PTCHD4: variants seen among roughly 807,000 people sequenced by gnomAD.
PTCHD4 encodes the protein patched domain-containing protein 4.
PTCHD4 carries 33 observed loss-of-function variants against 58.1 expected under a neutral mutation model. That is an observed-to-expected ratio of 0.57 (90% CI 0.43 to 0.76). The LOEUF is 0.76. PTCHD4 is among the 30% of genes least tolerant of loss of function. The pLI is 0.00. For missense variants in PTCHD4, 1,058 were observed against 1,027.1 expected (o/e 1.03, Z -0.41); for synonymous variants, 478 against 409.6 (o/e 1.17, Z -2.02).
At chr6:48,094,427 A>C (rs1051817882) in intron 1 of PTCHD4, among the ~76,000 whole-genome samples, 19 of 152,320 alleles carry the variant, frequency 1.2e-4, no homozygotes, top group Admixed American at 4.6e-4. Flanking sequence ...ATACAGGGTT[A>C]CATTACAGAT....
At chr6:48,031,260 CT>C (rs914319947) in intron 3 of PTCHD4, among the ~76,000 whole-genome samples, 1 of 152,030 alleles carries the variant, frequency 6.6e-6, no homozygotes, top group Non-Finnish European at 1.5e-5. Context: ...AGCAAGAATC[CT>C]ATCATATCAG....
chr6:47,969,744 G>A (rs1279575541), intron 4 of PTCHD4, among the ~76,000 whole-genome samples: 2 of 152,026 alleles, frequency 1.3e-5, no homozygotes, highest in Non-Finnish European at 2.9e-5. Context: ...AAACTTCAGG[G>A]CATTTAAAAT....
intron 4 of PTCHD4, among the ~76,000 whole-genome samples, chr6:47,930,786 T>C (rs906959605): frequency 6.6e-6 from 1 of 152,114 alleles, no homozygotes; most frequent in African/African-American, 2.4e-5. Flanking sequence ...TCATGAAGTG[T>C]ATTTTATTTA....
intron 1 of PTCHD4, among the ~76,000 whole-genome samples, chr6:48,071,963 G>T (rs1764982301): frequency 6.6e-6 from 1 of 152,198 alleles, no homozygotes; most frequent in African/African-American, 2.4e-5. Flanking sequence ...GAAAGGTAAA[G>T]TGCCATTTTC....
chr6:48,086,311 T>G (rs1765262507), intron 1 of PTCHD4, among the ~76,000 whole-genome samples: 2 of 152,194 alleles, frequency 1.3e-5, no homozygotes, highest in Non-Finnish European at 2.9e-5. Context: ...TTTCTTATAT[T>G]CTTACCTTGA....
At chr6:47,897,515 T>A (rs1764561409) in intron 4 of PTCHD4, among the ~76,000 whole-genome samples, 1 of 152,164 alleles carries the variant, frequency 6.6e-6, no homozygotes, top group Non-Finnish European at 1.5e-5. Context: ...ACCACAGTCC[T>A]CCATGTACTT....
chr6:47,979,091 T>C (rs973270178), intron 4 of PTCHD4, among the ~76,000 whole-genome samples: 2 of 152,120 alleles, frequency 1.3e-5, no homozygotes, highest in African/African-American at 4.8e-5. Context: ...ACCACGTGAG[T>C]CTATTTCTAT....
At chr6:48,074,171 A>G (rs1225723549) in intron 1 of PTCHD4, among the ~76,000 whole-genome samples, 1 of 151,964 alleles carries the variant, frequency 6.6e-6, no homozygotes, top group Non-Finnish European at 1.5e-5. Context: ...TCCGAGATAT[A>G]ACGTTTTACA....
intron 3 of PTCHD4, among the ~76,000 whole-genome samples, chr6:48,011,486 G>A (rs747836414): frequency 1.3e-5 from 2 of 151,950 alleles, no homozygotes; most frequent in South Asian, 2.1e-4. Context: ...TTTGTCAGAT[G>A]GATAGATTGC....
At chr6:48,015,937 A>G (rs914902992) in intron 3 of PTCHD4, among the ~76,000 whole-genome samples, 3 of 151,904 alleles carry the variant, frequency 2.0e-5, no homozygotes, top group Admixed American at 2.0e-4. Flanking sequence ...GTTTGCTAAG[A>G]CCAGGACAAG....
rs1183988853 is a variant in PTCHD4, at chr6:47,910,073, A to G, written c.899-30137T>C. 2.6e-5 allele frequency among the ~76,000 whole-genome samples: 4 copies of G among 152,324 alleles called. No individual in the cohort carries two copies. In the East Asian group the frequency reaches 7.7e-4, roughly 29 times the overall value. On this transcript the variant is annotated intron_variant, in intron 4 of 4. Coordinates refer to ENST00000339488, the MANE Select transcript of PTCHD4 (RefSeq NM_001384253.1). Reference sequence around the variant, plus strand: ...GTGAGTTTAGTAGGAGATACTTAAGATCTTGGCACTATTGCCGTTGCTCTT... The same window carrying G: ...GTGAGTTTAGTAGGAGATACTTAAGGTCTTGGCACTATTGCCGTTGCTCTT...
rs367660181 is a variant in PTCHD4 at position 47,879,677 on chromosome 6, A to G, written c.1158T>C (p.Cys386=). ...GCTCTAGTTGGCCAGCAAAGACCAG[A>G]CAGGAGCCAAAGAAGGAGAAAATGT... The part of the protein sequence containing the change: ...YFYIFSFFGS[C]LVFAGQLEQN... Residue 386 remains cysteine (C), a synonymous_variant, in exon 5 of 5, where the codon TGT becomes TGC. Transcript: ENST00000339488. 1.9e-6 allele frequency: 3 copies of G among 1,613,608 alleles called. No individual in the cohort carries two copies. Among genetic ancestry groups the G allele is most frequent in the Non-Finnish European group, 2.5e-6 (3 of 1,179,728 alleles).
intron 4 of PTCHD4, among the ~76,000 whole-genome samples, chr6:47,975,507 A>C (rs1160366368): frequency 6.6e-6 from 1 of 152,126 alleles, no homozygotes. Flanking sequence ...TATCAACCCT[A>C]ACCTTCTTGG....
At chr6:48,028,490 A>G (rs1157054589) in intron 3 of PTCHD4, among the ~76,000 whole-genome samples, 1 of 152,146 alleles carries the variant, frequency 6.6e-6, no homozygotes, top group Non-Finnish European at 1.5e-5. Context: ...AAATGGATTC[A>G]TTTATGTTTA....
chr6:47,897,139 C>T (rs1440983766), intron 4 of PTCHD4, among the ~76,000 whole-genome samples: 1 of 152,086 alleles, frequency 6.6e-6, no homozygotes, highest in Non-Finnish European at 1.5e-5. Context: ...AACTGGGGAC[C>T]CCTACTCCAC....
At position 48,068,906 on chromosome 6, in the gene PTCHD4, C is replaced by T. The variant is rs905633678; in HGVS notation, c.5+47G>A. Among the ~76,000 whole-genome samples the T allele has an allele frequency of 3.4e-3, 523 of 151,790 alleles. 2 individuals carry two copies. The highest frequency in any genetic ancestry group is 0.012 in the African/African-American group (492 of 41,400). Reference sequence around the variant, plus strand: ...CGGCGGGCGCCGCGGGGCCCACCCCCTCCCCGGTCTCCCCGCGCCCTCGCC... The same window carrying T: ...CGGCGGGCGCCGCGGGGCCCACCCCTTCCCCGGTCTCCCCGCGCCCTCGCC... On this transcript the variant is annotated intron_variant, in intron 2 of 4. Coordinates refer to ENST00000339488, the MANE Select transcript of PTCHD4 (RefSeq NM_001384253.1). The surrounding 1 kb of genome is among the most constrained non-coding windows in gnomAD (Gnocchi z 4.2).
intron 4 of PTCHD4, among the ~76,000 whole-genome samples, chr6:48,006,832 G>A (rs1295587630): frequency 6.6e-6 from 1 of 152,140 alleles, no homozygotes; most frequent in Non-Finnish European, 1.5e-5. Flanking sequence ...TATTTACTTA[G>A]CATTTACTAT....
intron 4 of PTCHD4, among the ~76,000 whole-genome samples, chr6:47,897,887 C>A (rs541792366): frequency 2.7e-5 from 4 of 149,524 alleles, no homozygotes; most frequent in African/African-American, 9.8e-5. Context: ...ATTGAAGCTG[C>A]GGTTTTTTAT....
chr6:48,091,165 AT>A (rs1437780421), intron 1 of PTCHD4, among the ~76,000 whole-genome samples: 1 of 152,136 alleles, frequency 6.6e-6, no homozygotes, highest in Admixed American at 6.5e-5. Flanking sequence ...GTTAGTATGC[AT>A]TAGGCACTCA....
Sources: allele counts gnomAD v4.1 joint callset (sites outside exome capture counted in the v4.1 genomes callset), GRCh38; gene constraint gnomAD v4.1.1; non-coding constraint Gnocchi (gnomAD v3.1); transcripts MANE v1.5; gene names NCBI Gene and HGNC (gene_info 2026-07-23, HGNC 2026-07-21).